The following GABPB1 variants were observed in gnomAD, a reference collection of about 807,000 sequenced individuals.
GABPB1 encodes the protein GA-binding protein subunit beta-1.
In GABPB1, 15 loss-of-function variants were observed where a neutral mutation model predicts 45.9. The observed-to-expected ratio is 0.33, with a 90% CI of 0.22 to 0.50. The LOEUF is 0.50. GABPB1 is among the 20% of genes least tolerant of loss of function. GABPB1 has a pLI of 0.98. For synonymous variants in GABPB1, 143 were observed against 154.4 expected, an observed-to-expected ratio of 0.93 and a Z score of 0.55; for missense variants, 252 against 457.5, an observed-to-expected ratio of 0.55 and a Z score of 4.10.
At chr15:50,332,787 G>A (rs1226452912) in intron 1 of GABPB1, among the ~76,000 whole-genome samples, 1 of 151,788 alleles carries the variant, frequency 6.6e-6, no homozygotes, top group Non-Finnish European at 1.5e-5. Flanking sequence ...GGTAAGACAA[G>A]GACCTTAAAT....
intron 6 of GABPB1, among the ~76,000 whole-genome samples, chr15:50,297,164 G>T (rs1490427485): frequency 1.3e-5 from 2 of 151,264 alleles, no homozygotes; most frequent in African/African-American, 4.9e-5. Flanking sequence ...ACCCACCTCG[G>T]CCTCCCAAAG....
chr15:50,336,524 AT>A (rs2048134234), intron 1 of GABPB1, among the ~76,000 whole-genome samples: 1 of 151,678 alleles, frequency 6.6e-6, no homozygotes, highest in South Asian at 2.1e-4. Context: ...ATTTAAAAAA[AT>A]TTTTTTAATT....
At chr15:50,298,951 CAAAA>C (rs775179968) in intron 6 of GABPB1, among the ~76,000 whole-genome samples, 6 of 61,170 alleles carry the variant, frequency 9.8e-5, no homozygotes, top group African/African-American at 2.4e-4. Flanking sequence ...GACTCCATGT[CAAAA>C]AAAAAAAAAA....
At position 50,347,078 on chromosome 15, in the gene GABPB1, G is replaced by A. The variant is rs748826168; in HGVS notation, c.-1+7907C>T. 2.0e-5 allele frequency among the ~76,000 whole-genome samples: 3 copies of A among 152,068 alleles called. No homozygotes were observed. In the South Asian group the frequency reaches 6.2e-4, roughly 32 times the overall value. ...GCTGGGATTACAAGCATGACCCACT[G>A]CACCCGGTCTGGAGTCTCTTTTTTA... is the stretch of plus-strand genomic sequence containing the variant. On this transcript the variant is annotated intron_variant, in intron 1 of 8. Transcript: ENST00000380877.
intron 6 of GABPB1, among the ~76,000 whole-genome samples, chr15:50,292,314 C>CAAAAAAAAA (rs762047613): frequency 2.0e-5 from 1 of 49,570 alleles, no homozygotes; most frequent in Non-Finnish European, 5.1e-5. Flanking sequence ...GACTCCATCT[C>CAAAAAAAAA]AAAAAAAAAA....
chr15:50,298,282 TG>T (rs1388467322), intron 6 of GABPB1, among the ~76,000 whole-genome samples: 1 of 152,072 alleles, frequency 6.6e-6, no homozygotes, highest in Non-Finnish European at 1.5e-5. Flanking sequence ...GACAGGATTT[TG>T]CCACGTTGTC....
chr15:50,298,075 T>C (rs1359203601), intron 6 of GABPB1, among the ~76,000 whole-genome samples: 1 of 152,156 alleles, frequency 6.6e-6, no homozygotes, highest in South Asian at 2.1e-4. Flanking sequence ...TTCAGATATA[T>C]GTGTTTTTGT....
intron 5 of GABPB1, 112 bp from the exon 6 acceptor site, chr15:50,301,014 T>C (rs1166032191): frequency 2.5e-6 from 2 of 812,496 alleles, no homozygotes; most frequent in Non-Finnish European, 3.9e-6. Context: ...TAGCATTAGC[T>C]TTTGAAAGGT....
At chr15:50,319,752 G>A (rs1290324620) in intron 1 of GABPB1, among the ~76,000 whole-genome samples, 2 of 152,018 alleles carry the variant, frequency 1.3e-5, no homozygotes, top group African/African-American at 2.4e-5. Context: ...CAGGAGAATC[G>A]TTTTGAACCC....
At chr15:50,351,117 T>C (rs2048803728) in intron 1 of GABPB1, 1 of 152,242 alleles carries the variant, frequency 6.6e-6, no homozygotes, top group Admixed American at 6.5e-5. Context: ...TGGCTTTTTA[T>C]TAGCTCTCCA....
chr15:50,335,361 C>T (rs2048083116), intron 1 of GABPB1, among the ~76,000 whole-genome samples: 1 of 152,138 alleles, frequency 6.6e-6, no homozygotes, highest in Non-Finnish European at 1.5e-5. Context: ...GTTGGGTGGG[C>T]TCTGCATCTT....
intron 1 of GABPB1, among the ~76,000 whole-genome samples, chr15:50,321,007 T>C (rs934151590): frequency 2.0e-5 from 3 of 152,228 alleles, no homozygotes; most frequent in Non-Finnish European, 4.4e-5. Flanking sequence ...AATAAATTTA[T>C]GTTGTTTTAA....
At chr15:50,326,922 C>G (rs989528824) in intron 1 of GABPB1, among the ~76,000 whole-genome samples, 2 of 152,008 alleles carry the variant, frequency 1.3e-5, no homozygotes, top group African/African-American at 2.4e-5. Context: ...AAAAACCATA[C>G]GAGGAGACAG....
At chr15:50,338,460 T>C (rs1223649162) in intron 1 of GABPB1, among the ~76,000 whole-genome samples, 1 of 152,164 alleles carries the variant, frequency 6.6e-6, no homozygotes, top group Non-Finnish European at 1.5e-5. Context: ...TTCTGTGCTG[T>C]TATAAACTTC....
intron 1 of GABPB1, among the ~76,000 whole-genome samples, chr15:50,328,684 G>A (rs960372004): frequency 6.6e-6 from 1 of 152,082 alleles, no homozygotes; most frequent in Non-Finnish European, 1.5e-5. Context: ...AGAAATCTGT[G>A]GCATCATACT....
At chr15:50,301,755 C>A (rs1038005728) in intron 4 of GABPB1, among the ~76,000 whole-genome samples, 4 of 152,012 alleles carry the variant, frequency 2.6e-5, no homozygotes, top group Admixed American at 2.6e-4. Flanking sequence ...TAGTGAGACC[C>A]CCATCTCAAA....
At chr15:50,332,056 G>C (rs1017199604) in intron 1 of GABPB1, among the ~76,000 whole-genome samples, 3 of 151,872 alleles carry the variant, frequency 2.0e-5, no homozygotes, top group African/African-American at 7.3e-5. Context: ...TGTATTTTTA[G>C]TAGAGACGGG....
intron 1 of GABPB1, among the ~76,000 whole-genome samples, chr15:50,318,795 A>G (rs1178006874): frequency 6.6e-6 from 1 of 152,234 alleles, no homozygotes; most frequent in Non-Finnish European, 1.5e-5. Flanking sequence ...AAAACTAAGA[A>G]AAGAAAAAAC....
intron 1 of GABPB1, among the ~76,000 whole-genome samples, chr15:50,335,051 C>T (rs771433798): frequency 6.6e-6 from 1 of 152,162 alleles, no homozygotes; most frequent in East Asian, 1.9e-4. Flanking sequence ...CTTTGAAGAA[C>T]ATTTGCATTT....
Sources: allele counts gnomAD v4.1 joint callset (sites outside exome capture counted in the v4.1 genomes callset), GRCh38; gene constraint gnomAD v4.1.1; transcripts MANE v1.5; gene names NCBI Gene and HGNC (gene_info 2026-07-23, HGNC 2026-07-21).